Variants in TMPRSS11F observed in about 807,000 individuals in gnomAD.
TMPRSS11F encodes the protein transmembrane protease serine 11F.
Under a neutral mutation model 60.2 loss-of-function variants are expected in TMPRSS11F, and 47 were observed. That is an observed-to-expected ratio of 0.78 (90% CI 0.62 to 1.00). The LOEUF is 1.00. TMPRSS11F is among the 50% of genes least tolerant of loss of function. The pLI is 0.00. For synonymous variants in TMPRSS11F, 166 were observed against 167.3 expected, an observed-to-expected ratio of 0.99 and a Z score of 0.06; for missense variants, 519 against 522.9, an observed-to-expected ratio of 0.99 and a Z score of 0.07.
chr4:68,056,441 T>A (rs1000948983), intron 9 of TMPRSS11F, among the ~76,000 whole-genome samples: 101 of 112,164 alleles, frequency 9.0e-4, no homozygotes, highest in Non-Finnish European at 1.0e-3. Flanking sequence ...AAAAAAAAAA[T>A]AGCAAAAAAA....
intron 5 of TMPRSS11F, among the ~76,000 whole-genome samples, chr4:68,071,973 A>C (rs1251707618): frequency 1.3e-5 from 2 of 151,792 alleles, no homozygotes. Context: ...AGGTTTGCTA[A>C]TCCCATGTCT....
chr4:68,082,387 C>T lies in TMPRSS11F; in HGVS notation c.282+8136G>A, dbSNP rs912243204. ...CTACAGCAAAACATGGCCACAGGAA[C>T]CCATCCTCCAAGGCTCTCCCCCTTC... is the stretch of plus-strand genomic sequence containing the variant. On this transcript the variant is annotated intron_variant, in intron 3 of 9. Transcript: ENST00000356291. Among the ~76,000 whole-genome samples, 3 of 152,176 alleles carry T rather than the reference C, an allele frequency of 2.0e-5. No homozygotes were observed. The East Asian group carries it at 5.8e-4, about 29-fold the overall frequency.
At chr4:68,065,110 T>A (rs145334995) in intron 7 of TMPRSS11F, among the ~76,000 whole-genome samples, 166 bp from the exon 8 acceptor site, 1,832 of 152,306 alleles carry the variant, frequency 0.012, 24 homozygotes, top group Non-Finnish European at 0.016. Context: ...TTTAAATTTA[T>A]TACAATTAAT....
intron 9 of TMPRSS11F, among the ~76,000 whole-genome samples, chr4:68,057,616 AG>A (rs1257610717): frequency 2.0e-5 from 3 of 152,214 alleles, no homozygotes; most frequent in Non-Finnish European, 2.9e-5. Context: ...ATATTTGATA[AG>A]GGCTTATATC....
intron 5 of TMPRSS11F, among the ~76,000 whole-genome samples, chr4:68,071,268 G>T (rs1024974271): frequency 3.3e-5 from 5 of 152,162 alleles, no homozygotes; most frequent in Non-Finnish European, 7.4e-5. Flanking sequence ...TCTTGAGAAT[G>T]TAACAATATT....
rs55708045 is a variant in TMPRSS11F, at chr4:68,117,467, C to CA, written c.11+12342dup. 7.3e-3 allele frequency among the ~76,000 whole-genome samples: 375 copies of CA among 51,380 alleles called. 36 individuals are homozygous for CA. Among genetic ancestry groups the CA allele is most frequent in the African/African-American group, 0.032 (294 of 9,266 alleles). 33.7% of individuals were successfully genotyped at this position (51,380 alleles called of 152,430 possible). A position where few individuals can be genotyped will look rare whatever the true frequency, so the allele number is the denominator to read the frequency against. ...TGGGTGACAGAGCGAGACTCTGTCT[C>CA]AAAAAAAAAAAAAAAAAAAAAAAAA... is the stretch of plus-strand genomic sequence containing the variant. On this transcript the variant is annotated intron_variant, in intron 1 of 9. Coordinates refer to ENST00000356291, the MANE Select transcript of TMPRSS11F (RefSeq NM_207407.2).
chr4:68,079,060 G>T (rs1371098021), intron 3 of TMPRSS11F, among the ~76,000 whole-genome samples: 1 of 146,692 alleles, frequency 6.8e-6, no homozygotes, highest in African/African-American at 2.4e-5. Context: ...TTAAAAAATG[G>T]CATATTCTGG....
At chr4:68,098,042 T>C (rs943060012) in intron 2 of TMPRSS11F, among the ~76,000 whole-genome samples, 1 of 152,080 alleles carries the variant, frequency 6.6e-6, no homozygotes, top group Admixed American at 6.6e-5. Flanking sequence ...TGGTGGCTGA[T>C]GTCTATAATC....
chr4:68,062,244 TC>T (rs761380811), intron 8 of TMPRSS11F: 99 of 413,204 alleles, frequency 2.4e-4, no homozygotes, highest in South Asian at 1.7e-3. Context: ...AATTACCGGC[TC>T]TTTTGCTAAA....
intron 1 of TMPRSS11F, among the ~76,000 whole-genome samples, chr4:68,116,273 G>A (rs145533839): frequency 2.0e-5 from 3 of 152,226 alleles, no homozygotes; most frequent in Non-Finnish European, 4.4e-5. Flanking sequence ...ATACATTGGT[G>A]TTGGGAATGC....
intron 7 of TMPRSS11F, among the ~76,000 whole-genome samples, chr4:68,067,167 T>G (rs779146001): frequency 6.6e-5 from 10 of 152,222 alleles, no homozygotes; most frequent in Non-Finnish European, 1.0e-4. Context: ...TAAAAATCTT[T>G]CCTTTAACTT....
rs373419590 is a variant in TMPRSS11F at position 68,063,358 on chromosome 4, C to CT, written c.1015+1326dup. ...AAACATTCAGTTAATCTTTTTCTCT[C>CT]TTTTTTTTTGTTTTCTGTTTTTGTT... On this transcript the variant is annotated intron_variant, in intron 8 of 9. Transcript: ENST00000356291. 952 of 420,806 alleles carry CT rather than the reference C, an allele frequency of 2.3e-3. 3 individuals are homozygous for CT. The highest frequency in any genetic ancestry group is 0.013 in the African/African-American group (624 of 47,928). The allele number at this position is 420,806 out of a possible 1,614,324, so 26.1% of individuals were successfully genotyped here. A position where few individuals can be genotyped will look rare whatever the true frequency, so the allele number is the denominator to read the frequency against.
chr4:68,077,483 G>A (rs543902491), intron 3 of TMPRSS11F: 1 of 152,314 alleles, frequency 6.6e-6, no homozygotes, highest in East Asian at 1.9e-4. Flanking sequence ...AATGCTGCTG[G>A]AAGAGCAAGA....
chr4:68,112,331 C>A (rs1204617199), intron 1 of TMPRSS11F, among the ~76,000 whole-genome samples: 1 of 152,098 alleles, frequency 6.6e-6, no homozygotes, highest in South Asian at 2.1e-4. Context: ...TCCTATTCAC[C>A]CTTCAAGATC....
At chr4:68,059,899 C>T (rs1370828) in intron 8 of TMPRSS11F, among the ~76,000 whole-genome samples, 102,834 of 151,954 alleles carry the variant, frequency 0.68, 36,663 homozygotes, top group East Asian at 0.88. Flanking sequence ...GATCTCTTCA[C>T]CCTACTCTAC....
chr4:68,108,491 C>T (rs1226147442), intron 1 of TMPRSS11F, among the ~76,000 whole-genome samples: 1 of 152,152 alleles, frequency 6.6e-6, no homozygotes, highest in African/African-American at 2.4e-5. Context: ...ACACGGACTA[C>T]AGTCGCTTCA....
chr4:68,059,608 A>C, intron 8 of TMPRSS11F, 140 bp from the exon 9 acceptor site: 1 of 814,038 alleles, frequency 1.2e-6, no homozygotes, highest in Non-Finnish European at 1.9e-6. Flanking sequence ...TTTCTGTCAT[A>C]AATGTCTACA....
At chr4:68,086,896 C>A (rs1300815008) in intron 3 of TMPRSS11F, among the ~76,000 whole-genome samples, 2 of 151,902 alleles carry the variant, frequency 1.3e-5, no homozygotes, top group Admixed American at 6.6e-5. Context: ...TACAAACAAA[C>A]AAAATCCCTG....
Position 68,064,315 on chromosome 4 carries a change from A to G in TMPRSS11F, c.1015+370T>C, listed in dbSNP as rs140570213. Among the ~76,000 whole-genome samples, 768 of 151,272 alleles carry G rather than the reference A, an allele frequency of 5.1e-3. 9 individuals carry two copies. The highest frequency in any genetic ancestry group is 0.018 in the African/African-American group (748 of 41,240). The stretch of plus-strand genomic sequence containing the variant: ...TTCTCCTGCCTCAACCTCCCAAGTA[A>G]CTGGGATTACAGGTGCACACCACCA... On this transcript the variant is annotated intron_variant, in intron 8 of 9. Transcript: ENST00000356291.
Sources: gnomAD v4.1 joint callset for allele counts (sites outside exome capture counted in the v4.1 genomes callset) on GRCh38, gnomAD v4.1.1 for gene constraint, MANE v1.5 for transcripts, NCBI Gene and HGNC (gene_info 2026-07-23, HGNC 2026-07-21) for gene names.